Variants in PITPNM3 observed in about 807,000 individuals in gnomAD.
PITPNM3 encodes membrane-associated phosphatidylinositol transfer protein 3.
A neutral mutation model predicts 102.0 loss-of-function variants in PITPNM3; 26 were observed. That is an observed-to-expected ratio of 0.25 (90% CI 0.19 to 0.35). The LOEUF is 0.35. Ranked by LOEUF, PITPNM3 falls within the 10% of genes least tolerant of loss-of-function variation. PITPNM3 has a pLI of 1.00. For missense variants in PITPNM3, 1,083 were observed against 1,346.1 expected (o/e 0.80, Z 3.06); for synonymous variants, 578 against 558.6 (o/e 1.03, Z -0.49).
chr17:6,518,735 G>C (rs773009814), intron 3 of PITPNM3, among the ~76,000 whole-genome samples: 17 of 152,138 alleles, frequency 1.1e-4, no homozygotes, highest in Non-Finnish European at 1.8e-4. Flanking sequence ...AACTTACTAA[G>C]AATGAGAGAG....
chr17:6,466,196 C>G (rs1904758628), intron 14 of PITPNM3, among the ~76,000 whole-genome samples: 1 of 152,252 alleles, frequency 6.6e-6, no homozygotes, highest in African/African-American at 2.4e-5. Flanking sequence ...ATCCCTGGCC[C>G]TGGCCCTCTT....
chr17:6,504,232 C>G (rs1016150940), intron 3 of PITPNM3, among the ~76,000 whole-genome samples: 1 of 152,162 alleles, frequency 6.6e-6, no homozygotes, highest in Admixed American at 6.5e-5. Flanking sequence ...ATTTCTTCCC[C>G]TACAGAACTG....
At chr17:6,465,788 C>T (rs1904737739) in intron 14 of PITPNM3, among the ~76,000 whole-genome samples, 1 of 152,172 alleles carries the variant, frequency 6.6e-6, no homozygotes, top group African/African-American at 2.4e-5. Flanking sequence ...TGGCCCTGAC[C>T]AGCCCCCACT....
At chr17:6,544,470 T>C (rs1312702247) in intron 1 of PITPNM3, among the ~76,000 whole-genome samples, 1 of 152,068 alleles carries the variant, frequency 6.6e-6, no homozygotes, top group Non-Finnish European at 1.5e-5. Flanking sequence ...AGGTTGAGGC[T>C]GCATTGAGCC....
chr17:6,498,019 T>C (rs891412198), intron 4 of PITPNM3, among the ~76,000 whole-genome samples: 1 of 152,162 alleles, frequency 6.6e-6, no homozygotes, highest in Non-Finnish European at 1.5e-5. Context: ...CGGACGTTCC[T>C]GGATGGGGGC....
intron 3 of PITPNM3, among the ~76,000 whole-genome samples, chr17:6,518,441 G>C (rs571589053): frequency 6.7e-6 from 1 of 149,848 alleles, no homozygotes; most frequent in South Asian, 2.1e-4. Context: ...AAAGGTAATG[G>C]GTAAAAAAGC....
rs899223810 is a variant in PITPNM3, at chr17:6,455,033, G to C, written c.*305C>G. 1 of 414,888 alleles carries C rather than the reference G, an allele frequency of 2.4e-6. No homozygotes were observed. Among genetic ancestry groups the C allele is most frequent in the Non-Finnish European group, 4.3e-6 (1 of 233,520 alleles). 25.7% of individuals were successfully genotyped at this position (414,888 alleles called of 1,614,324 possible). On this transcript the variant is annotated 3_prime_UTR_variant, in exon 20 of 20. Coordinates refer to ENST00000262483, the MANE Select transcript of PITPNM3 (RefSeq NM_031220.4). The stretch of plus-strand genomic sequence containing the variant: ...GGAGGGTGGTCGACTTTGCCCAAAC[G>C]CTTCAGCCCCGGGCAAGCCTGCCCC...
At position 6,478,498 on chromosome 17, in the gene PITPNM3, CG is replaced by C. The variant is rs747298506; in HGVS notation, c.777+48del. The C allele has an allele frequency of 4.4e-6, 7 of 1,602,460 alleles. No homozygotes were observed. The African/African-American group carries it at 5.4e-5, about 12-fold the overall frequency. ...GTAGATTCCAGCCTCTCTCCCAGGC[CG>C]GGGCCGGAACAGGGGAGGGGAGAGG... On this transcript the variant is annotated intron_variant, in intron 7 of 19. Transcript: ENST00000262483. The surrounding 1 kb of genome is among the most constrained non-coding windows in gnomAD (Gnocchi z 4.4).
intron 4 of PITPNM3, among the ~76,000 whole-genome samples, chr17:6,491,062 AG>A (rs1337610478): frequency 1.1e-4 from 4 of 37,090 alleles, no homozygotes; most frequent in African/African-American, 3.6e-4. Context: ...AGGAAAGGGG[AG>A]GGGGAGGGGA....
chr17:6,461,472 G>A lies in PITPNM3; in HGVS notation c.2391C>T (p.Ser797=), dbSNP rs778894049. The change falls in exon 18 of 20, where the codon TCC becomes TCT. Residue 797 remains serine, a synonymous_variant. Transcript: ENST00000262483. ...MQKQRVVSWL[S]QHNFPQGMIF... Reference sequence around the variant, plus strand: ...TCATGCCCTGTGGGAAGTTGTGCTGGGACAGCCACGACACCACCCGCTGCT... The same window carrying A: ...TCATGCCCTGTGGGAAGTTGTGCTGAGACAGCCACGACACCACCCGCTGCT... The A allele has an allele frequency of 4.3e-6, 7 of 1,614,096 alleles. No individual in the cohort carries two copies. Among genetic ancestry groups the A allele is most frequent in the Non-Finnish European group, 5.9e-6 (7 of 1,180,050 alleles).
chr17:6,544,654 T>TCTCTCTCTCTCTCACACACACA (rs376230474), intron 1 of PITPNM3, among the ~76,000 whole-genome samples: 7 of 130,270 alleles, frequency 5.4e-5, no homozygotes, highest in African/African-American at 2.2e-4. Context: ...TCTCTCTCTC[T>TCTCTCTCTCTCTCACACACACA]CACACACACA....
In PITPNM3 at chr17:6,508,055, G is replaced by A. The variant is rs150129886; in HGVS notation, c.227-4481C>T. On this transcript the variant is annotated intron_variant, in intron 3 of 19. Transcript: ENST00000262483. The stretch of plus-strand genomic sequence containing the variant: ...TGCTGGGAATGCTGGGGTTGCTGGG[G>A]TTGCTGGGGATGCAGCTGGGGTTGC... 2.7e-3 allele frequency among the ~76,000 whole-genome samples: 408 copies of A among 150,888 alleles called. 2 individuals are homozygous for A. The highest frequency in any genetic ancestry group is 9.5e-3 in the African/African-American group (386 of 40,840).
rs183430877 is a variant in PITPNM3 at position 6,548,184 on chromosome 17, C to T, written c.22+8201G>A. Among the ~76,000 whole-genome samples, 10 of 152,234 alleles carry T rather than the reference C, an allele frequency of 6.6e-5. No homozygotes were observed. The East Asian group carries it at 1.6e-3, about 24-fold the overall frequency. ...CCAATGTGACCCCCTGCAGGTGATC[C>T]GACTCATACCACCTGCCACTGCTGG... is the stretch of plus-strand genomic sequence containing the variant. On this transcript the variant is annotated intron_variant, in intron 1 of 19. Coordinates refer to ENST00000262483, the MANE Select transcript of PITPNM3 (RefSeq NM_031220.4).
At position 6,472,634 on chromosome 17, in the gene PITPNM3, C is replaced by G. The variant is rs1905122505; in HGVS notation, c.1429+23G>C. The G allele has an allele frequency of 6.2e-7, 1 of 1,607,270 alleles. No homozygotes were observed. The highest frequency in any genetic ancestry group is 1.7e-5 in the Admixed American group (1 of 59,298). On this transcript the variant is annotated intron_variant, in intron 11 of 19. Transcript: ENST00000262483. The surrounding 1 kb of genome is among the most constrained non-coding windows in gnomAD (Gnocchi z 4.1). ...GGCCCCACCTCCAGCTCAGCACACTCTCTCCCACCCCCAAGAACCTACCGA... is the reference window on the plus strand; with the variant it reads ...GGCCCCACCTCCAGCTCAGCACACTGTCTCCCACCCCCAAGAACCTACCGA...
intron 6 of PITPNM3, chr17:6,480,802 C>A: frequency 6.6e-6 from 1 of 152,474 alleles, no homozygotes; most frequent in Non-Finnish European, 1.5e-5. Flanking sequence ...ATCCACCCGG[C>A]CCCAGGCACC....
chr17:6,499,697 T>A (rs1446898629), intron 4 of PITPNM3, among the ~76,000 whole-genome samples: 3 of 126,992 alleles, frequency 2.4e-5, no homozygotes, highest in African/African-American at 9.4e-5. Context: ...GATATGGCCA[T>A]CTTTTCTTTT....
At chr17:6,544,476 G>C (rs1417118665) in intron 1 of PITPNM3, among the ~76,000 whole-genome samples, 1 of 152,100 alleles carries the variant, frequency 6.6e-6, no homozygotes, top group Non-Finnish European at 1.5e-5. Context: ...AGGCTGCATT[G>C]AGCCATGATC....
chr17:6,529,872 C>T (rs932307222), intron 2 of PITPNM3, among the ~76,000 whole-genome samples: 10 of 142,080 alleles, frequency 7.0e-5, no homozygotes, highest in Non-Finnish European at 1.3e-4. Context: ...CCCACACAGC[C>T]CATCCCCAGA....
rs1905099856 is a variant in PITPNM3 at position 6,472,018 on chromosome 17, G to C, written c.1429+639C>G. Among the ~76,000 whole-genome samples, 1 of 152,224 alleles carries C rather than the reference G, an allele frequency of 6.6e-6. No individual in the cohort carries two copies. Among genetic ancestry groups the C allele is most frequent in the Non-Finnish European group, 1.5e-5 (1 of 68,032 alleles). On this transcript the variant is annotated intron_variant, in intron 11 of 19. Coordinates refer to ENST00000262483, the MANE Select transcript of PITPNM3 (RefSeq NM_031220.4). This position sits in a 1 kb window ranked among gnomAD's most constrained non-coding sequence, Gnocchi z 4.1. Reference sequence around the variant, plus strand: ...TGACGCAAACCTCTGAGCAGGCTTAGGCTAAATTTCCTCAAGTAGGGCGTG... The same window carrying C: ...TGACGCAAACCTCTGAGCAGGCTTACGCTAAATTTCCTCAAGTAGGGCGTG...
Sources: allele counts gnomAD v4.1 joint callset (sites outside exome capture counted in the v4.1 genomes callset), GRCh38; gene constraint gnomAD v4.1.1; non-coding constraint Gnocchi (gnomAD v3.1); transcripts MANE v1.5; gene names NCBI Gene and HGNC (gene_info 2026-07-23, HGNC 2026-07-21).